Variants in CNTNAP2 observed in about 807,000 individuals in gnomAD.
The protein encoded by CNTNAP2 is contactin-associated protein-like 2.
In CNTNAP2, 98 loss-of-function variants were observed where a neutral mutation model predicts 155.2. The observed-to-expected ratio is 0.63, with a 90% CI of 0.54 to 0.75. CNTNAP2 has a LOEUF of 0.75. Ranked by LOEUF, CNTNAP2 falls within the 30% of genes least tolerant of loss-of-function variation. The pLI, the probability that CNTNAP2 is intolerant of heterozygous loss-of-function variation, is 0.00. For synonymous variants in CNTNAP2, 651 were observed against 631.2 expected (o/e 1.03, Z -0.47); for missense variants, 1,727 against 1,688.1 (o/e 1.02, Z -0.40).
intron 1 of CNTNAP2, among the ~76,000 whole-genome samples, chr7:146,517,758 G>C (rs562419723): frequency 6.6e-6 from 1 of 152,010 alleles, no homozygotes; most frequent in Non-Finnish European, 1.5e-5. Context: ...TAGTTCAATT[G>C]ATAGCACAAA....
chr7:146,785,731 A>G (rs1440532625), intron 2 of CNTNAP2, among the ~76,000 whole-genome samples: 1 of 152,256 alleles, frequency 6.6e-6, no homozygotes, highest in African/African-American at 2.4e-5. Context: ...TTTAAAAATG[A>G]ATATTCAGAG....
chr7:148,305,756 G>A (rs1371462700), intron 21 of CNTNAP2, among the ~76,000 whole-genome samples: 1 of 152,046 alleles, frequency 6.6e-6, no homozygotes, highest in African/African-American at 2.4e-5. Flanking sequence ...GGAGAAATCC[G>A]CCCCCATGAT....
intron 16 of CNTNAP2, among the ~76,000 whole-genome samples, chr7:148,131,806 A>G (rs1338855539): frequency 1.3e-5 from 2 of 152,162 alleles, no homozygotes; most frequent in Non-Finnish European, 2.9e-5. Flanking sequence ...GAATTGATTC[A>G]ACTAGGGATG....
At chr7:147,108,450 G>T (rs1168525200) in intron 5 of CNTNAP2, 100 bp downstream of exon 5, 1 of 1,035,780 alleles carries the variant, frequency 9.7e-7, no homozygotes, top group Non-Finnish European at 1.4e-6. Flanking sequence ...TATAAAAAGA[G>T]CTCATGTTAT....
chr7:147,938,617 T>C (rs1275540082), intron 14 of CNTNAP2, among the ~76,000 whole-genome samples: 2 of 152,190 alleles, frequency 1.3e-5, no homozygotes, highest in African/African-American at 4.8e-5. Flanking sequence ...AATACCTTTA[T>C]GATATCTGGG....
At chr7:146,342,355 C>T (rs1192656603) in intron 1 of CNTNAP2, among the ~76,000 whole-genome samples, 1 of 152,126 alleles carries the variant, frequency 6.6e-6, no homozygotes, top group Non-Finnish European at 1.5e-5. Flanking sequence ...CAGATGCCAA[C>T]ATCAAAAGCT....
At chr7:147,807,284 C>T (rs1798105693) in intron 13 of CNTNAP2, among the ~76,000 whole-genome samples, 1 of 132,190 alleles carries the variant, frequency 7.6e-6, no homozygotes, top group Admixed American at 8.7e-5. Context: ...GGTTACTTCA[C>T]TGTACTCGAG....
chr7:147,326,683 C>T (rs1446976851), intron 9 of CNTNAP2, among the ~76,000 whole-genome samples: 1 of 152,174 alleles, frequency 6.6e-6, no homozygotes, highest in Non-Finnish European at 1.5e-5. Context: ...ACATCCTTGC[C>T]AACACTTGTT....
intron 13 of CNTNAP2, 35 bp from the exon 14 acceptor site, chr7:147,903,524 CCCAGGT>C: frequency 1.2e-6 from 2 of 1,611,946 alleles, no homozygotes; most frequent in Non-Finnish European, 1.7e-6. Flanking sequence ...AATGACTGAA[CCCAGGT>C]CTGTTTCTAA....
At chr7:147,884,846 T>A (rs776346250) in intron 13 of CNTNAP2, among the ~76,000 whole-genome samples, 10 of 152,204 alleles carry the variant, frequency 6.6e-5, no homozygotes, top group Non-Finnish European at 1.3e-4. Flanking sequence ...CTTAGTTTCC[T>A]GGGAGGAAGA....
intron 1 of CNTNAP2, among the ~76,000 whole-genome samples, chr7:146,757,227 T>G (rs1241980507): frequency 6.6e-6 from 1 of 152,112 alleles, no homozygotes; most frequent in African/African-American, 2.4e-5. Flanking sequence ...GTTGGCAGCG[T>G]GTCCTAGGCT....
At chr7:147,501,358 A>G (rs981778196) in intron 11 of CNTNAP2, among the ~76,000 whole-genome samples, 8 of 152,092 alleles carry the variant, frequency 5.3e-5, no homozygotes, top group Non-Finnish European at 1.0e-4. Context: ...CTTCTATTCA[A>G]CAATGCACTG....
At chr7:148,226,177 G>A (rs1237575213) in intron 19 of CNTNAP2, among the ~76,000 whole-genome samples, 1 of 151,988 alleles carries the variant, frequency 6.6e-6, no homozygotes, top group Non-Finnish European at 1.5e-5. Context: ...ATAAGTACAG[G>A]TGTTTCTGTA....
At chr7:146,986,912 A>G (rs1407230933) in intron 3 of CNTNAP2, among the ~76,000 whole-genome samples, 1 of 151,938 alleles carries the variant, frequency 6.6e-6, no homozygotes, top group Non-Finnish European at 1.5e-5. Flanking sequence ...CTTTTTTACT[A>G]GATCATTCTT....
chr7:148,284,583 T>A (rs984331411), intron 21 of CNTNAP2, among the ~76,000 whole-genome samples: 1 of 150,858 alleles, frequency 6.6e-6, no homozygotes, highest in African/African-American at 2.4e-5. Context: ...CAACTAAGGC[T>A]ACCCAGGTAG....
chr7:146,945,561 T>C (rs943979080), intron 3 of CNTNAP2, among the ~76,000 whole-genome samples: 2 of 152,124 alleles, frequency 1.3e-5, no homozygotes, highest in African/African-American at 4.8e-5. Context: ...AGGATCTTAA[T>C]TGAAAAAAAT....
At chr7:146,229,420 A>C (rs1214687598) in intron 1 of CNTNAP2, among the ~76,000 whole-genome samples, 1 of 152,178 alleles carries the variant, frequency 6.6e-6, no homozygotes, top group Non-Finnish European at 1.5e-5. Context: ...CCAACTCCCA[A>C]AGCCTTTCTT....
At chr7:146,403,056 T>G (rs1166686462) in intron 1 of CNTNAP2, among the ~76,000 whole-genome samples, 1 of 152,166 alleles carries the variant, frequency 6.6e-6, no homozygotes, top group Non-Finnish European at 1.5e-5. Flanking sequence ...TACAAAATGT[T>G]GAGATTTTAA....
Position 146,846,543 on chromosome 7 carries a change from A to G in CNTNAP2, c.402+6639A>G, listed in dbSNP as rs141976828. On this transcript the variant is annotated intron_variant, in intron 3 of 23. Transcript: ENST00000361727. ...TTAATAAGTTGAGTGGATATTCCAGATCCTTTTGCATATACTGTAATGCAT... is the reference window on the plus strand; with the variant it reads ...TTAATAAGTTGAGTGGATATTCCAGGTCCTTTTGCATATACTGTAATGCAT... 9.7e-3 allele frequency among the ~76,000 whole-genome samples: 1,475 copies of G among 152,206 alleles called. 21 individuals carry two copies. The highest frequency in any genetic ancestry group is 0.034 in the African/African-American group (1,398 of 41,530).
Sources: gnomAD v4.1 joint callset for allele counts (sites outside exome capture counted in the v4.1 genomes callset) on GRCh38, gnomAD v4.1.1 for gene constraint, MANE v1.5 for transcripts, NCBI Gene and HGNC (gene_info 2026-07-23, HGNC 2026-07-21) for gene names.